Variants in MROH9 observed in about 807,000 individuals in gnomAD.
The protein encoded by MROH9 is maestro heat like repeat family member 9.
A neutral mutation model predicts 98.2 loss-of-function variants in MROH9; 92 were observed. The ratio of observed to expected loss-of-function variants is 0.94; its 90% CI spans 0.79 to 1.11. MROH9 has a LOEUF of 1.11. Ranked by LOEUF, MROH9 falls within the 50% of genes most tolerant of loss-of-function variation. MROH9 has a pLI of 0.00. For missense variants in MROH9, 1,057 were observed against 1,014.8 expected (o/e 1.04, Z -0.57); for synonymous variants, 397 against 368.9 (o/e 1.08, Z -0.87).
In MROH9 at chr1:170,971,864, C is replaced by G; in HGVS notation, c.597C>G (p.Tyr199Ter). The G allele has an allele frequency of 6.2e-7, 1 of 1,614,030 alleles. No homozygotes were observed. The highest frequency in any genetic ancestry group is 8.5e-7 in the Non-Finnish European group (1 of 1,179,928). The change falls in exon 8 of 22, where the codon TAC becomes TAG. Residue 199 changes from tyrosine to a stop codon, truncating the protein, a stop_gained. Coordinates refer to ENST00000367759, the MANE Select transcript of MROH9 (RefSeq NM_001163629.2). LOFTEE classifies it high-confidence loss of function. ...CATTGGGAATGTGTCACCTCCTCTACATTGCACGGTGTCAGAACGGTAAGA... is the reference window on the plus strand; with the variant it reads ...CATTGGGAATGTGTCACCTCCTCTAGATTGCACGGTGTCAGAACGGTAAGA... ...QASLGMCHLL[Y>*]IARCQNDIGT...
chr1:170,943,768 A>C (rs1056517398), intron 1 of MROH9, among the ~76,000 whole-genome samples: 1 of 152,040 alleles, frequency 6.6e-6, no homozygotes, highest in East Asian at 1.9e-4. Flanking sequence ...ATGCAGTCAA[A>C]CTTTAACTCA....
Position 171,000,420 on chromosome 1 carries a change from C to A in MROH9, c.1596+2146C>A, listed in dbSNP as rs182564570. Among the ~76,000 whole-genome samples the A allele has an allele frequency of 8.5e-5, 13 of 152,058 alleles. No homozygotes were observed. The East Asian group carries it at 1.7e-3, about 20-fold the overall frequency. ...TACATTAAGCTATGTCCCTTGTATG[C>A]CGATTTTGCTGAGGGTTTTAATCAT... On this transcript the variant is annotated intron_variant, in intron 15 of 21. Coordinates refer to ENST00000367759, the MANE Select transcript of MROH9 (RefSeq NM_001163629.2).
intron 15 of MROH9, among the ~76,000 whole-genome samples, chr1:171,011,868 T>G (rs1389423214): frequency 4.6e-5 from 7 of 151,076 alleles, no homozygotes; most frequent in African/African-American, 1.7e-4. Context: ...GGCAATAGGC[T>G]TATTAATTCT....
intron 8 of MROH9, among the ~76,000 whole-genome samples, chr1:170,975,570 G>C (rs1369718422): frequency 1.3e-5 from 2 of 152,110 alleles, no homozygotes; most frequent in South Asian, 4.1e-4. Context: ...CCACTTTTAT[G>C]AGTCTCTAAT....
chr1:170,973,118 C>T (rs980991285), intron 8 of MROH9, among the ~76,000 whole-genome samples: 1 of 150,562 alleles, frequency 6.6e-6, no homozygotes, highest in African/African-American at 2.4e-5. Flanking sequence ...CACACGCATA[C>T]ACACACACAC....
rs188183637 is a variant in MROH9 at position 170,950,983 on chromosome 1, T to A, written c.72+3410T>A. Among the ~76,000 whole-genome samples, 4 of 152,106 alleles carry A rather than the reference T, an allele frequency of 2.6e-5. No individual in the cohort carries two copies. The East Asian group carries it at 7.7e-4, about 29-fold the overall frequency. On this transcript the variant is annotated intron_variant, in intron 3 of 21. Transcript: ENST00000367759. ...TTCTTTGTCTCTAAGCCACTGAAAA[T>A]CCCTCTTTTTTTCCCTAGTGTGGGA... is the stretch of plus-strand genomic sequence containing the variant.
chr1:171,005,054 T>C (rs1468560464), intron 15 of MROH9, among the ~76,000 whole-genome samples: 1 of 152,056 alleles, frequency 6.6e-6, no homozygotes, highest in African/African-American at 2.4e-5. Context: ...TGTAAATCAC[T>C]TCGGGTGGTA....
chr1:170,954,069 T>C (rs1431167272), intron 3 of MROH9, among the ~76,000 whole-genome samples: 1 of 152,056 alleles, frequency 6.6e-6, no homozygotes, highest in Non-Finnish European at 1.5e-5. Flanking sequence ...GATTCTCTAG[T>C]CTTTGTCACC....
chr1:170,940,184 G>A (rs1436068020), intron 1 of MROH9, among the ~76,000 whole-genome samples: 1 of 152,176 alleles, frequency 6.6e-6, no homozygotes, highest in Non-Finnish European at 1.5e-5. Context: ...GATGCAACAA[G>A]TTACCTTTAA....
At chr1:170,988,596 A>G (rs1210933279) in intron 10 of MROH9, among the ~76,000 whole-genome samples, 2 of 152,186 alleles carry the variant, frequency 1.3e-5, no homozygotes, top group African/African-American at 4.8e-5. Flanking sequence ...GGGCTCCTCA[A>G]TTTATGACCC....
At chr1:171,015,313 C>T (rs1054559044) in intron 16 of MROH9, among the ~76,000 whole-genome samples, 1 of 152,102 alleles carries the variant, frequency 6.6e-6, no homozygotes, top group Non-Finnish European at 1.5e-5. Flanking sequence ...ACCCAGAGCT[C>T]TTCCCAATGT....
chr1:170,989,493 T>G (rs2052610050), intron 10 of MROH9, among the ~76,000 whole-genome samples: 1 of 152,252 alleles, frequency 6.6e-6, no homozygotes, highest in South Asian at 2.1e-4. Flanking sequence ...GTATACACTG[T>G]AGCTCCATTG....
chr1:170,994,552 C>A (rs186496131), intron 12 of MROH9, among the ~76,000 whole-genome samples: 1 of 151,968 alleles, frequency 6.6e-6, no homozygotes, highest in African/African-American at 2.4e-5. Context: ...ATATAAAATA[C>A]GCACATCATA....
intron 9 of MROH9, among the ~76,000 whole-genome samples, chr1:170,984,532 C>G (rs1651056835): frequency 1.3e-5 from 2 of 152,146 alleles, no homozygotes; most frequent in Admixed American, 6.5e-5. Flanking sequence ...CAAATCTTCC[C>G]TCATCCTTCC....
chr1:171,009,967 A>G (rs954503743), intron 15 of MROH9, among the ~76,000 whole-genome samples: 5 of 152,168 alleles, frequency 3.3e-5, no homozygotes, highest in African/African-American at 1.2e-4. Flanking sequence ...TAATTATTAT[A>G]CTTTAAGCTC....
intron 20 of MROH9, among the ~76,000 whole-genome samples, chr1:171,051,958 A>C (rs1653681751): frequency 6.6e-6 from 1 of 151,960 alleles, no homozygotes; most frequent in East Asian, 1.9e-4. Flanking sequence ...GAATTGGAGC[A>C]ATTTTAATAG....
chr1:171,024,462 A>G lies in MROH9; in HGVS notation c.1976A>G (p.Tyr659Cys), dbSNP rs541824021. ...CAATTAGTTAGGGATATGAGACAGTACACATGGATGGTGAATGATGTGGTT... is the reference window on the plus strand; with the variant it reads ...CAATTAGTTAGGGATATGAGACAGTGCACATGGATGGTGAATGATGTGGTT... The part of the protein sequence containing the change: ...FGQLVRDMRQ[Y>C]TWMVNDVVLE... The change falls in exon 18 of 22, where the codon TAC becomes TGC. Residue 659 changes from tyrosine to cysteine, a missense_variant. Transcript: ENST00000367759. 7.5e-5 allele frequency: 116 copies of G among 1,551,036 alleles called. 1 individual carries two copies. In the East Asian group the frequency reaches 2.7e-3, roughly 37 times the overall value.
chr1:170,971,720 T>C, intron 7 of MROH9, 28 bp from the exon 8 acceptor site: 9 of 1,612,828 alleles, frequency 5.6e-6, no homozygotes, highest in Non-Finnish European at 7.6e-6. Flanking sequence ...GCATAGCAAA[T>C]GCATGTTCTC....
chr1:170,935,651 A>T (rs1227158543), intron 1 of MROH9, 64 bp downstream of exon 1: 2 of 152,102 alleles, frequency 1.3e-5, no homozygotes, highest in Non-Finnish European at 2.9e-5. Context: ...AATCCTGACT[A>T]CTTTTCTTAA....
Sources: gnomAD v4.1 joint callset for allele counts (sites outside exome capture counted in the v4.1 genomes callset) on GRCh38, gnomAD v4.1.1 for gene constraint, MANE v1.5 for transcripts, NCBI Gene and HGNC (gene_info 2026-07-23, HGNC 2026-07-21) for gene names.